PCNX2: variants seen among roughly 807,000 people sequenced by gnomAD.
PCNX2 encodes pecanex-like protein 2.
In PCNX2, 168 loss-of-function variants were observed where a neutral mutation model predicts 223.8. That is an observed-to-expected ratio of 0.75 (90% confidence interval 0.66 to 0.85). The LOEUF is 0.85. Ranked by LOEUF, PCNX2 falls within the 40% of genes least tolerant of loss-of-function variation. The pLI is 0.00. For missense variants in PCNX2, 2,507 were observed against 2,675.5 expected (o/e 0.94, Z 1.39); for synonymous variants, 1,006 against 1,052.6 (o/e 0.96, Z 0.86).
chr1:233,090,358 A>G (rs1490759078), intron 22 of PCNX2, among the ~76,000 whole-genome samples, 168 bp from the exon 23 acceptor site: 1 of 152,236 alleles, frequency 6.6e-6, no homozygotes. Context: ...TAAAACTTTC[A>G]GTAGTACCCT....
Position 232,986,331 on chromosome 1 carries a change from C to T in PCNX2, c.6001G>A (p.Val2001Ile), listed in dbSNP as rs372827748. 21 of 1,591,998 alleles carry T rather than the reference C, an allele frequency of 1.3e-5. No individual in the cohort carries two copies. In the African/African-American group the frequency reaches 1.3e-4, roughly 10 times the overall value. ...ACACTCAGGTGGCCGGTGGTGGTGA[C>T]GGGCGGGGGCTGAGAGTGCAGGGAC... Reference protein sequence around the residue: ...ATSLHSQPPPVTTTGHLSVRE... With the variant: ...ATSLHSQPPPITTTGHLSVRE... The change falls in exon 33 of 34, where the codon GTC becomes ATC. Residue 2001 changes from valine (V) to isoleucine (I), a missense_variant. Physicochemically the swap from Val to Ile is conservative, Grantham distance 29. This residue lies in a region of PCNX2 where 1,372 missense variants were observed against 1,509.4 expected (regional missense o/e 0.91). Transcript: ENST00000258229.
chr1:233,091,318 T>C (rs980631796), intron 22 of PCNX2, among the ~76,000 whole-genome samples: 2 of 152,184 alleles, frequency 1.3e-5, no homozygotes, highest in African/African-American at 4.8e-5. Flanking sequence ...GTAACCCATG[T>C]TGCAAAAGTT....
chr1:233,261,627 T>C (rs1660047193), intron 3 of PCNX2, among the ~76,000 whole-genome samples: 1 of 152,154 alleles, frequency 6.6e-6, no homozygotes, highest in South Asian at 2.1e-4. Flanking sequence ...AAAGTTAATC[T>C]AGAAAAAAGG....
chr1:233,175,430 T>C (rs1037024824), intron 17 of PCNX2, among the ~76,000 whole-genome samples: 5 of 152,360 alleles, frequency 3.3e-5, no homozygotes, highest in Non-Finnish European at 7.3e-5. Context: ...GGCAAATTTC[T>C]TGTCAAATTT....
intron 5 of PCNX2, 56 bp downstream of exon 5, chr1:233,257,972 A>G: frequency 6.5e-7 from 1 of 1,543,058 alleles, no homozygotes; most frequent in Non-Finnish European, 8.7e-7. Flanking sequence ...GCAAATGGCA[A>G]AAAGGTGTAT....
At chr1:233,267,789 T>C (rs936450371) in intron 1 of PCNX2, among the ~76,000 whole-genome samples, 3 of 152,190 alleles carry the variant, frequency 2.0e-5, no homozygotes, top group Non-Finnish European at 4.4e-5. Flanking sequence ...TTGGGTTCCA[T>C]CTACCTTTTG....
At chr1:233,274,434 C>T (rs1373580907) in intron 1 of PCNX2, among the ~76,000 whole-genome samples, 1 of 152,128 alleles carries the variant, frequency 6.6e-6, no homozygotes, top group African/African-American at 2.4e-5. Context: ...ATCAACCCTC[C>T]CCACAGTTGA....
At chr1:233,144,356 A>T (rs1173070821) in intron 19 of PCNX2, among the ~76,000 whole-genome samples, 1 of 152,066 alleles carries the variant, frequency 6.6e-6, no homozygotes, top group Non-Finnish European at 1.5e-5. Flanking sequence ...TAACTTTTTA[A>T]GTTTACTCCA....
chr1:233,121,552 G>C lies in PCNX2; in HGVS notation c.3837+13461C>G, dbSNP rs1296571897. On this transcript the variant is annotated intron_variant, in intron 21 of 33. Transcript: ENST00000258229. ...ATACAAATATGGTCAACTAGTTGTT[G>C]TTAAGGGCATAAAAGAAAGGCAATT... 2.0e-5 allele frequency among the ~76,000 whole-genome samples: 3 copies of C among 152,182 alleles called. No homozygotes were observed. The East Asian group carries it at 5.8e-4, about 29-fold the overall frequency.
intron 19 of PCNX2, among the ~76,000 whole-genome samples, chr1:233,147,353 T>C (rs914658506): frequency 6.6e-6 from 1 of 152,152 alleles, no homozygotes; most frequent in Non-Finnish European, 1.5e-5. Flanking sequence ...GAAAAGAAGA[T>C]GTTATTAAGA....
intron 23 of PCNX2, among the ~76,000 whole-genome samples, chr1:233,073,563 C>A (rs1387695330): frequency 6.6e-6 from 1 of 150,762 alleles, no homozygotes; most frequent in Non-Finnish European, 1.5e-5. Context: ...CTCTGAGTAG[C>A]TAGGATTACA....
chr1:233,269,777 G>T (rs1472544296), intron 1 of PCNX2, among the ~76,000 whole-genome samples: 1 of 152,134 alleles, frequency 6.6e-6, no homozygotes, highest in Non-Finnish European at 1.5e-5. Context: ...ATCCGAGAGT[G>T]CTGGGATGAT....
intron 25 of PCNX2, among the ~76,000 whole-genome samples, chr1:233,037,282 G>C (rs1176728022): frequency 6.6e-6 from 1 of 152,072 alleles, no homozygotes; most frequent in Non-Finnish European, 1.5e-5. Flanking sequence ...TTCTCCCCTA[G>C]TTCCAGTTTC....
Position 233,001,657 on chromosome 1 carries a change from G to A in PCNX2, c.4977C>T (p.Leu1659=), listed in dbSNP as rs1420903333. ...AISLDSFLYG[L]HVLFKGDFRI... is the part of the protein sequence containing the mutation. ...TGAAGTCACCTTTGAAGAGGACATG[G>A]AGGCCATACAGGAAAGAATCCAGGC... Residue 1659 remains leucine (L), a synonymous_variant, in exon 29 of 34, where the codon CTC becomes CTT. Transcript: ENST00000258229. This position sits in a 1 kb window ranked among gnomAD's most constrained non-coding sequence, Gnocchi z 4.2. The A allele has an allele frequency of 1.3e-6, 2 of 1,587,772 alleles. No homozygotes were observed. The highest frequency in any genetic ancestry group is 1.7e-5 in the Admixed American group (1 of 57,594).
intron 1 of PCNX2, chr1:233,289,424 G>A (rs771182499): frequency 6.3e-6 from 9 of 1,419,132 alleles, no homozygotes; most frequent in African/African-American, 4.2e-5. Context: ...TAGGCTTCAC[G>A]ATCTTGGCGC....
intron 25 of PCNX2, among the ~76,000 whole-genome samples, chr1:233,033,668 A>G (rs1430104584): frequency 1.3e-5 from 2 of 152,220 alleles, no homozygotes; most frequent in African/African-American, 2.4e-5. Context: ...ACGGTGCAGG[A>G]CGCTAGAATA....
At chr1:233,257,370 G>C (rs1033155429) in intron 5 of PCNX2, among the ~76,000 whole-genome samples, 1 of 152,142 alleles carries the variant, frequency 6.6e-6, no homozygotes, top group African/African-American at 2.4e-5. Flanking sequence ...GTTAATATGA[G>C]AGTAACTGTA....
At chr1:233,235,624 C>T in intron 9 of PCNX2, among the ~76,000 whole-genome samples, 1 of 146,656 alleles carries the variant, frequency 6.8e-6, no homozygotes, top group East Asian at 1.9e-4. Context: ...TTGTTTGAGA[C>T]AGAGTCTCGC....
At chr1:233,178,967 G>C (rs942118505) in intron 16 of PCNX2, 99 bp downstream of exon 16, 10 of 985,720 alleles carry the variant, frequency 1.0e-5, no homozygotes, top group Non-Finnish European at 9.1e-6. Flanking sequence ...AATCACAATG[G>C]GCAGTGAATT....
Sources: gnomAD v4.1 joint callset for allele counts (sites outside exome capture counted in the v4.1 genomes callset) on GRCh38, gnomAD v4.1.1 for gene constraint, gnomAD v4.1.1 regional missense constraint, Gnocchi (gnomAD v3.1) non-coding constraint, MANE v1.5 for transcripts, NCBI Gene and HGNC (gene_info 2026-07-23, HGNC 2026-07-21) for gene names.